TNIK: variants seen among roughly 807,000 people sequenced by gnomAD.
TNIK encodes TRAF2 and NCK interacting kinase.
In TNIK, 49 loss-of-function variants were observed where a neutral mutation model predicts 191.3. That is an observed-to-expected ratio of 0.26 (90% CI 0.20 to 0.32). TNIK has a LOEUF of 0.32. Ranked by LOEUF, TNIK falls within the 10% of genes least tolerant of loss-of-function variation. The pLI is 1.00. For missense variants in TNIK, 1,155 were observed against 1,702.3 expected (o/e 0.68, Z 5.66); for synonymous variants, 594 against 600.9 (o/e 0.99, Z 0.17).
chr3:171,350,266 T>C (rs1712923639), intron 2 of TNIK, among the ~76,000 whole-genome samples: 1 of 152,176 alleles, frequency 6.6e-6, no homozygotes, highest in Non-Finnish European at 1.5e-5. Context: ...TCCAGAACAG[T>C]TCCTGGAACA....
chr3:171,118,298 G>C lies in TNIK; in HGVS notation c.2120+5298C>G, dbSNP rs144926533. On this transcript the variant is annotated intron_variant, in intron 18 of 32. Coordinates refer to ENST00000436636, the MANE Select transcript of TNIK (RefSeq NM_015028.4). The stretch of plus-strand genomic sequence containing the variant: ...TCAACGAAATAAAAGAGGATACAAA[G>C]AAATGGAAGAGCATTTCATGCTCAT... Among the ~76,000 whole-genome samples, 730 of 152,280 alleles carry C rather than the reference G, an allele frequency of 4.8e-3. 11 individuals are homozygous for C. Among genetic ancestry groups the C allele is most frequent in the African/African-American group, 0.016 (660 of 41,556 alleles).
intron 13 of TNIK, 67 bp from the exon 14 acceptor site, chr3:171,139,623 A>G: frequency 6.6e-7 from 1 of 1,516,360 alleles, no homozygotes; most frequent in Non-Finnish European, 9.2e-7. Flanking sequence ...CAGTAATTTC[A>G]AAGGCGACAA....
intron 15 of TNIK, among the ~76,000 whole-genome samples, chr3:171,134,620 C>T (rs762764217): frequency 3.9e-5 from 6 of 152,152 alleles, no homozygotes; most frequent in Non-Finnish European, 8.8e-5. Context: ...CATTCATATT[C>T]TTTTAAATCA....
intron 2 of TNIK, among the ~76,000 whole-genome samples, chr3:171,306,753 C>G (rs1053153612): frequency 4.0e-5 from 6 of 151,862 alleles, no homozygotes; most frequent in African/African-American, 1.2e-4. Context: ...CCCCAGGAAG[C>G]TGAAAAGAAA....
intron 10 of TNIK, among the ~76,000 whole-genome samples, 193 bp from the exon 11 acceptor site, chr3:171,161,529 C>G (rs1208978158): frequency 6.6e-6 from 1 of 152,196 alleles, no homozygotes; most frequent in Non-Finnish European, 1.5e-5. Context: ...GCTGTCTCGG[C>G]TGACTCTAGA....
intron 22 of TNIK, among the ~76,000 whole-genome samples, chr3:171,098,921 C>CACACATACATTT (rs1268677920): frequency 3.3e-5 from 5 of 152,104 alleles, no homozygotes; most frequent in African/African-American, 1.2e-4. Context: ...AGTAAACATA[C>CACACATACATTT]ACACATACAT....
intron 1 of TNIK, among the ~76,000 whole-genome samples, chr3:171,430,406 G>A (rs182173261): frequency 2.0e-5 from 3 of 152,146 alleles, no homozygotes; most frequent in Non-Finnish European, 2.9e-5. Flanking sequence ...TTGGGAGGCT[G>A]AGGTGGGAGG....
intron 1 of TNIK, among the ~76,000 whole-genome samples, chr3:171,371,417 A>G (rs1460948093): frequency 6.6e-6 from 1 of 152,226 alleles, no homozygotes; most frequent in Admixed American, 6.5e-5. Context: ...AGCACCCAAC[A>G]GATTAAGCAC....
At chr3:171,079,691 A>G (rs1184605604) in intron 27 of TNIK, 39 bp from the exon 28 acceptor site, 1 of 1,566,142 alleles carries the variant, frequency 6.4e-7, no homozygotes, top group Non-Finnish European at 8.6e-7. Context: ...AATTGCTGTG[A>G]CAGCTCTCAC....
chr3:171,189,634 G>A (rs903795842), intron 6 of TNIK, among the ~76,000 whole-genome samples: 2 of 152,090 alleles, frequency 1.3e-5, no homozygotes, highest in African/African-American at 4.8e-5. Context: ...TCTGAGCTTC[G>A]GTTTCCTAAT....
intron 1 of TNIK, among the ~76,000 whole-genome samples, chr3:171,383,491 A>G (rs1718335149): frequency 6.6e-6 from 1 of 152,230 alleles, no homozygotes; most frequent in African/African-American, 2.4e-5. Context: ...AATGCTGGTT[A>G]TTCACACAAA....
rs563479884 is a variant in TNIK at position 171,283,396 on chromosome 3, A to G, written c.124-55175T>C. On this transcript the variant is annotated intron_variant, in intron 2 of 32. Coordinates refer to ENST00000436636, the MANE Select transcript of TNIK (RefSeq NM_015028.4). ...ACCTAAATGAACATGAGAGAAAGCCAATAGTATAACTAAAGGAAGGGGATC... is the reference window on the plus strand; with the variant it reads ...ACCTAAATGAACATGAGAGAAAGCCGATAGTATAACTAAAGGAAGGGGATC... Among the ~76,000 whole-genome samples, 7 of 152,310 alleles carry G rather than the reference A, an allele frequency of 4.6e-5. No individual in the cohort carries two copies. In the South Asian group the frequency reaches 1.0e-3, roughly 23 times the overall value.
rs201939236 is a variant in TNIK, at chr3:171,326,688, T to TA, written c.123+42931dup. 1.3e-4 allele frequency among the ~76,000 whole-genome samples: 20 copies of TA among 150,836 alleles called. No individual in the cohort carries two copies. The East Asian group carries it at 1.4e-3, about 10-fold the overall frequency. On this transcript the variant is annotated intron_variant, in intron 2 of 32. Coordinates refer to ENST00000436636, the MANE Select transcript of TNIK (RefSeq NM_015028.4). ...CTGGGATACAGCCTAACAATTCACT[T>TA]AAAAAAAAAATTCCAGATAATGCAA...
At chr3:171,442,820 C>T (rs1187384501) in intron 1 of TNIK, among the ~76,000 whole-genome samples, 1 of 152,154 alleles carries the variant, frequency 6.6e-6, no homozygotes, top group Non-Finnish European at 1.5e-5. Flanking sequence ...TAAAGAAATA[C>T]TGTTCCTCTT....
intron 1 of TNIK, among the ~76,000 whole-genome samples, chr3:171,398,679 A>G (rs1720537164): frequency 6.6e-6 from 1 of 152,192 alleles, no homozygotes; most frequent in African/African-American, 2.4e-5. Flanking sequence ...GAATGAAAGG[A>G]TAACTGTCTA....
At chr3:171,310,561 C>T (rs1753911829) in intron 2 of TNIK, among the ~76,000 whole-genome samples, 3 of 152,070 alleles carry the variant, frequency 2.0e-5, no homozygotes, top group South Asian at 2.1e-4. Context: ...TCATACAGTA[C>T]ATTAAATCTC....
At chr3:171,245,565 A>AT (rs1745498250) in intron 2 of TNIK, among the ~76,000 whole-genome samples, 1 of 151,342 alleles carries the variant, frequency 6.6e-6, no homozygotes, top group Non-Finnish European at 1.5e-5. Flanking sequence ...TACTTTAACA[A>AT]TAAAAAAAAA....
chr3:171,314,061 A>G (rs1277410658), intron 2 of TNIK, among the ~76,000 whole-genome samples: 3 of 152,218 alleles, frequency 2.0e-5, no homozygotes, highest in Non-Finnish European at 4.4e-5. Flanking sequence ...ACTTGGTGCC[A>G]TATTACAGGA....
Position 171,064,078 on chromosome 3 carries a change from A to G in TNIK, c.4000-114T>C, listed in dbSNP as rs905429868. On this transcript the variant is annotated intron_variant, in intron 32 of 32. Transcript: ENST00000436636. ...TATCCTTGCCATGTGTCAGGTCTTA[A>G]GACTCAATGGCTTGTGTTTATAAAG... 4 of 920,676 alleles carry G rather than the reference A, an allele frequency of 4.3e-6. No individual in the cohort carries two copies. In the African/African-American group the frequency reaches 6.7e-5, roughly 15 times the overall value. The allele number at this position is 920,676 out of a possible 1,614,324, so 57.0% of individuals were successfully genotyped here.
Sources: allele counts gnomAD v4.1 joint callset (sites outside exome capture counted in the v4.1 genomes callset), GRCh38; gene constraint gnomAD v4.1.1; transcripts MANE v1.5; gene names NCBI Gene and HGNC (gene_info 2026-07-23, HGNC 2026-07-21).